FRMD4A: variants seen among roughly 807,000 people sequenced by gnomAD.
FRMD4A encodes the protein FERM domain-containing protein 4A.
FRMD4A carries 29 observed loss-of-function variants against 129.1 expected under a neutral mutation model. That is an observed-to-expected ratio of 0.22 (90% CI 0.17 to 0.31). The LOEUF is 0.31. Ranked by LOEUF, FRMD4A falls within the 10% of genes least tolerant of loss-of-function variation. The pLI is 1.00. For missense variants in FRMD4A, 1,272 were observed against 1,375.8 expected, an observed-to-expected ratio of 0.92 and a Z score of 1.19; for synonymous variants, 634 against 571.6, an observed-to-expected ratio of 1.11 and a Z score of -1.56.
chr10:14,021,182 A>G (rs1157386410), intron 2 of FRMD4A, among the ~76,000 whole-genome samples: 3 of 152,068 alleles, frequency 2.0e-5, no homozygotes, highest in African/African-American at 4.8e-5. Context: ...CTCCCTCTCA[A>G]TTTTCTTTGG....
intron 2 of FRMD4A, among the ~76,000 whole-genome samples, chr10:14,293,726 CCAA>C (rs1187192233): frequency 1.3e-5 from 2 of 152,090 alleles, no homozygotes; most frequent in Non-Finnish European, 2.9e-5. Flanking sequence ...ATTCTCAGAT[CCAA>C]CAATTCCACT....
Position 13,714,049 on chromosome 10 carries a change from T to C in FRMD4A, c.760-6936A>G, listed in dbSNP as rs1438551394. Among the ~76,000 whole-genome samples the C allele has an allele frequency of 1.8e-3, 46 of 25,788 alleles. 2 individuals are homozygous for C. The highest frequency in any genetic ancestry group is 6.9e-3 in the African/African-American group (45 of 6,516). The allele number at this position is 25,788 out of a possible 152,430, so 16.9% of individuals were successfully genotyped here. On this transcript the variant is annotated intron_variant, in intron 12 of 24. Transcript: ENST00000357447. ...ATACATATATATATATATATATATA[T>C]ATATATATATAAAATATACTTTTTT...
chr10:13,811,333 A>G (rs1810606434), intron 3 of FRMD4A, among the ~76,000 whole-genome samples: 2 of 145,282 alleles, frequency 1.4e-5, no homozygotes, highest in African/African-American at 5.2e-5. Context: ...GGGTTTCACC[A>G]TGTTGGCCAG....
intron 2 of FRMD4A, among the ~76,000 whole-genome samples, chr10:14,260,843 A>G (rs1382043443): frequency 6.6e-6 from 1 of 152,266 alleles, no homozygotes; most frequent in Non-Finnish European, 1.5e-5. Flanking sequence ...TGCTTCCCCA[A>G]GGACCAAAGC....
rs748372786 is a variant in FRMD4A at position 14,320,860 on chromosome 10, C to G, written c.45+9198G>C. Among the ~76,000 whole-genome samples the G allele has an allele frequency of 4.8e-3, 727 of 152,298 alleles. 1 individual carries two copies. Among genetic ancestry groups the G allele is most frequent in the South Asian group, 0.011 (53 of 4,828 alleles). ...ACTCCTTCCCACCCCGGGGCCATGG[C>G]CCAGGTTGGAATGCCCCATCCATGA... On this transcript the variant is annotated intron_variant, in intron 2 of 24. Transcript: ENST00000357447.
At chr10:13,673,614 G>A (rs2083707298) in intron 16 of FRMD4A, among the ~76,000 whole-genome samples, 1 of 150,796 alleles carries the variant, frequency 6.6e-6, no homozygotes, top group African/African-American at 2.5e-5. Flanking sequence ...ACAGAGTCAT[G>A]TGTATTGCAT....
At chr10:14,278,624 C>T (rs1459023287) in intron 2 of FRMD4A, among the ~76,000 whole-genome samples, 1 of 152,160 alleles carries the variant, frequency 6.6e-6, no homozygotes, top group Non-Finnish European at 1.5e-5. Context: ...AAAGAAGCGG[C>T]ACGTGTTAGG....
chr10:13,842,052 C>G (rs943600561), intron 3 of FRMD4A, among the ~76,000 whole-genome samples: 2 of 152,186 alleles, frequency 1.3e-5, no homozygotes, highest in African/African-American at 4.8e-5. Flanking sequence ...CCTTGTTCCT[C>G]TCACAACAGG....
intron 2 of FRMD4A, among the ~76,000 whole-genome samples, chr10:14,265,156 T>C (rs1292845594): frequency 6.6e-6 from 1 of 152,216 alleles, no homozygotes; most frequent in Non-Finnish European, 1.5e-5. Flanking sequence ...ATAGAATAAG[T>C]AGGTGTTTCT....
At chr10:14,008,574 G>T in intron 2 of FRMD4A, 1 of 900,806 alleles carries the variant, frequency 1.1e-6, no homozygotes, top group Non-Finnish European at 1.3e-6. Flanking sequence ...TCTATCAGAC[G>T]TATTATTCAT....
At chr10:13,713,090 T>C (rs898933991) in intron 12 of FRMD4A, among the ~76,000 whole-genome samples, 1 of 152,100 alleles carries the variant, frequency 6.6e-6, no homozygotes, top group Non-Finnish European at 1.5e-5. Context: ...GACTAGGACT[T>C]TGGAGAACCT....
chr10:14,206,809 C>CAA (rs57029013), intron 2 of FRMD4A, among the ~76,000 whole-genome samples: 1 of 43,066 alleles, frequency 2.3e-5, no homozygotes, highest in Non-Finnish European at 3.8e-5. Flanking sequence ...GACGCTATCT[C>CAA]AAAAAAAAAA....
intron 2 of FRMD4A, among the ~76,000 whole-genome samples, chr10:13,953,839 G>A (rs1031195961): frequency 1.3e-5 from 2 of 152,182 alleles, no homozygotes; most frequent in East Asian, 1.9e-4. Context: ...CACCCACTGA[G>A]GCTCTTGGAA....
At chr10:14,194,577 C>G (rs1464566241) in intron 2 of FRMD4A, among the ~76,000 whole-genome samples, 6 of 152,142 alleles carry the variant, frequency 3.9e-5, no homozygotes, top group Admixed American at 1.3e-4. Context: ...CACCACTGCA[C>G]TCTCGCCTGG....
intron 7 of FRMD4A, 34 bp downstream of exon 7, chr10:13,762,590 G>A (rs540747020): frequency 2.1e-5 from 26 of 1,220,144 alleles, no homozygotes; most frequent in African/African-American, 1.8e-4. Flanking sequence ...GTGTATGGCC[G>A]TGGGACATAA....
chr10:14,175,778 G>A (rs117049682), intron 2 of FRMD4A, among the ~76,000 whole-genome samples: 1 of 152,232 alleles, frequency 6.6e-6, no homozygotes, highest in East Asian at 1.9e-4. Flanking sequence ...TTCCGCCTCA[G>A]CCTCTCAAAG....
intron 22 of FRMD4A, chr10:13,655,041 C>T (rs2082023457): frequency 1.3e-5 from 2 of 156,968 alleles, no homozygotes; most frequent in South Asian, 1.9e-4. Flanking sequence ...ATCATTGCTA[C>T]TGTAGGGCGC....
Position 14,213,481 on chromosome 10 carries a change from C to T in FRMD4A, c.45+116577G>A, listed in dbSNP as rs115919524. On this transcript the variant is annotated intron_variant, in intron 2 of 24. Transcript: ENST00000357447. ...CCACACAGACAGTCATCAGTAAAGC[C>T]GGTATTCAAGCTCTGGTCCAGGTTT... 4.2e-3 allele frequency among the ~76,000 whole-genome samples: 634 copies of T among 152,198 alleles called. 2 individuals are homozygous for T. The highest frequency in any genetic ancestry group is 6.8e-3 in the Middle Eastern group (2 of 294).
At chr10:13,875,454 A>G (rs538883333) in intron 2 of FRMD4A, among the ~76,000 whole-genome samples, 15 of 152,306 alleles carry the variant, frequency 9.8e-5, no homozygotes, top group Admixed American at 7.2e-4. Context: ...TATCAGATTT[A>G]CAGAGGGCAA....
Sources: gnomAD v4.1 joint callset for allele counts (sites outside exome capture counted in the v4.1 genomes callset) on GRCh38, gnomAD v4.1.1 for gene constraint, MANE v1.5 for transcripts, NCBI Gene and HGNC (gene_info 2026-07-23, HGNC 2026-07-21) for gene names.